The following TRNT1 variants were observed in gnomAD, a reference collection of about 807,000 sequenced individuals.
The protein encoded by TRNT1 is CCA tRNA nucleotidyltransferase 1, mitochondrial.
Under a neutral mutation model 45.6 loss-of-function variants are expected in TRNT1, and 44 were observed. The observed-to-expected ratio is 0.97, with a 90% CI of 0.76 to 1.24. TRNT1 has a LOEUF of 1.24. Among genes scored for constraint, TRNT1 ranks in the 50% most tolerant of loss-of-function variants. TRNT1 has a pLI of 0.00. For missense variants in TRNT1, 633 were observed against 504.4 expected, an observed-to-expected ratio of 1.25 and a Z score of -2.44; for synonymous variants, 201 against 171.4, an observed-to-expected ratio of 1.17 and a Z score of -1.35.
In TRNT1 at chr3:3,144,600, A is replaced by AT. The variant is rs1445182754; in HGVS notation, c.501dup (p.Asp168Ter). 2 of 1,583,212 alleles carry AT rather than the reference A, an allele frequency of 1.3e-6. No individual in the cohort carries two copies. The highest frequency in any genetic ancestry group is 1.7e-6 in the Non-Finnish European group (2 of 1,162,122). On this transcript the variant is annotated frameshift_variant, in exon 5 of 8. Coordinates refer to ENST00000251607, the MANE Select transcript of TRNT1 (RefSeq NM_182916.3). LOFTEE classifies it high-confidence loss of function. ...AATGAATAGGTTTTGATGGCACTTT[A>AT]TTTGACTACTTTAATGGTTATGAAG...
At chr3:3,127,087 C>T (rs964783272) in intron 1 of TRNT1, 97 bp downstream of exon 1, 1 of 152,348 alleles carries the variant, frequency 6.6e-6, no homozygotes, top group South Asian at 2.1e-4. Context: ...CGCGCCCGGT[C>T]CTCGAGGAAG....
rs1288090270 is a variant in TRNT1 at position 3,148,766 on chromosome 3, G to GAAA, written c.*612_*613insAAA. 1 of 152,080 alleles carries GAAA rather than the reference G, an allele frequency of 6.6e-6. No individual in the cohort carries two copies. The highest frequency in any genetic ancestry group is 2.4e-5 in the African/African-American group (1 of 41,420). 9.4% of individuals were successfully genotyped at this position (152,080 alleles called of 1,614,324 possible). ...ATTTCTTTATGCATGCAGAGCCTGG[G>GAAA]GAAGTCATGGGATTAACTTGAGGGT... On this transcript the variant is annotated 3_prime_UTR_variant, in exon 8 of 8. Coordinates refer to ENST00000251607, the MANE Select transcript of TRNT1 (RefSeq NM_182916.3).
downstream of TRNT1, chr3:3,151,104 T>C (rs372715424): frequency 6.4e-7 from 1 of 1,566,086 alleles, no homozygotes; most frequent in East Asian, 2.3e-5. Context: ...AAGCCTATCA[T>C]ATAAACCTAT....
chr3:3,142,827 A>T (rs778281147), intron 4 of TRNT1, among the ~76,000 whole-genome samples: 3 of 152,168 alleles, frequency 2.0e-5, no homozygotes, highest in Non-Finnish European at 2.9e-5. Context: ...CTACTTTGTG[A>T]TCATATTTTT....
chr3:3,150,710 A>G, downstream of TRNT1: 2 of 718,484 alleles, frequency 2.8e-6, no homozygotes, highest in Non-Finnish European at 2.3e-6. Context: ...TTTCAAATAC[A>G]GTTTCACTTA....
At chr3:3,147,172 A>T (rs1376967577) in intron 6 of TRNT1, among the ~76,000 whole-genome samples, 1 of 152,170 alleles carries the variant, frequency 6.6e-6, no homozygotes, top group Non-Finnish European at 1.5e-5. Flanking sequence ...GATTAGAAAG[A>T]GTATGCCTTG....
intron 5 of TRNT1, 86 bp downstream of exon 5, chr3:3,144,796 G>A (rs562229293): frequency 2.3e-6 from 3 of 1,316,794 alleles, no homozygotes; most frequent in African/African-American, 3.0e-5. Context: ...CAGCAGGTCA[G>A]TGTACAAAAT....
intron 5 of TRNT1, chr3:3,145,317 CAT>C (rs1451915357): frequency 6.6e-6 from 1 of 151,946 alleles, no homozygotes; most frequent in Non-Finnish European, 1.5e-5. Context: ...TGCTGGCTAA[CAT>C]GGTGAAACCC....
At chr3:3,129,957 A>G in intron 2 of TRNT1, 1 of 1,550,564 alleles carries the variant, frequency 6.4e-7, no homozygotes. Context: ...GAAGAAGGAA[A>G]TAGGAGTTGC....
At position 3,148,705 on chromosome 3, in the gene TRNT1, G is replaced by C. The variant is rs1209987542; in HGVS notation, c.*551G>C. 1 of 152,190 alleles carries C rather than the reference G, an allele frequency of 6.6e-6. No individual in the cohort carries two copies. Among genetic ancestry groups the C allele is most frequent in the Non-Finnish European group, 1.5e-5 (1 of 68,050 alleles). The allele number at this position is 152,190 out of a possible 1,614,324, so 9.4% of individuals were successfully genotyped here. ...TACAGGATTTGTTCTAGCAAGCTAT[G>C]CTTCAGTATGTGGTTGATATTTTTC... is the stretch of plus-strand genomic sequence containing the variant. On this transcript the variant is annotated 3_prime_UTR_variant, in exon 8 of 8. Coordinates refer to ENST00000251607, the MANE Select transcript of TRNT1 (RefSeq NM_182916.3).
At chr3:3,133,898 T>A (rs1214268841) in intron 2 of TRNT1, among the ~76,000 whole-genome samples, 1 of 152,082 alleles carries the variant, frequency 6.6e-6, no homozygotes, top group East Asian at 1.9e-4. Context: ...CGTCAAAATT[T>A]AAAGCTGTAA....
Position 3,144,345 on chromosome 3 carries a change from G to C in TRNT1, c.482-239G>C, listed in dbSNP as rs1177232104. Among the ~76,000 whole-genome samples the C allele has an allele frequency of 2.6e-5, 4 of 152,094 alleles. No homozygotes were observed. The South Asian group carries it at 6.2e-4, about 24-fold the overall frequency. On this transcript the variant is annotated intron_variant, in intron 4 of 7. Coordinates refer to ENST00000251607, the MANE Select transcript of TRNT1 (RefSeq NM_182916.3). ...CTCATACAAGTTTTGCATATTTCTTGTTTAGTTTATTCTTGGATTATCTTT... is the reference window on the plus strand; with the variant it reads ...CTCATACAAGTTTTGCATATTTCTTCTTTAGTTTATTCTTGGATTATCTTT...
At chr3:3,127,515 A>AC (rs1704664620) in intron 1 of TRNT1, 1 of 152,322 alleles carries the variant, frequency 6.6e-6, no homozygotes, top group Non-Finnish European at 1.5e-5. Context: ...TATGGGGAGA[A>AC]CGAGGATGTG....
intron 3 of TRNT1, among the ~76,000 whole-genome samples, chr3:3,140,120 A>G (rs188016149): frequency 6.6e-6 from 1 of 152,326 alleles, no homozygotes; most frequent in African/African-American, 2.4e-5. Context: ...TCAATGGCAA[A>G]TGTTCCATAA....
In TRNT1 at chr3:3,138,771, C is replaced by G. The variant is rs1246892464; in HGVS notation, c.342+1318C>G. ...ATATTTCTTTGGAAAGCTTCCCGTTCATGTTTCAGATGGAAGATCTTTTAT... is the reference window on the plus strand; with the variant it reads ...ATATTTCTTTGGAAAGCTTCCCGTTGATGTTTCAGATGGAAGATCTTTTAT... On this transcript the variant is annotated intron_variant, in intron 3 of 7. Coordinates refer to ENST00000251607, the MANE Select transcript of TRNT1 (RefSeq NM_182916.3). Among the ~76,000 whole-genome samples, 5 of 152,318 alleles carry G rather than the reference C, an allele frequency of 3.3e-5. No homozygotes were observed. The South Asian group carries it at 1.0e-3, about 32-fold the overall frequency.
At chr3:3,138,516 C>T (rs1251130084) in intron 3 of TRNT1, among the ~76,000 whole-genome samples, 1 of 151,984 alleles carries the variant, frequency 6.6e-6, no homozygotes, top group Non-Finnish European at 1.5e-5. Context: ...TTAGTGGGCC[C>T]TCATGTTTCT....
chr3:3,146,607 T>C lies in TRNT1; in HGVS notation c.786T>C (p.Asp262=). ...NHLIHLIYDL[D]VAPYIGLPAN... ...TGATTCACCTTATCTATGATCTTGATGTGGCTCCTTATATAGGTGAGAGCA... is the reference window on the plus strand; with the variant it reads ...TGATTCACCTTATCTATGATCTTGACGTGGCTCCTTATATAGGTGAGAGCA... Residue 262 remains aspartate, a synonymous_variant, in exon 6 of 8, where the codon GAT becomes GAC. Coordinates refer to ENST00000251607, the MANE Select transcript of TRNT1 (RefSeq NM_182916.3). 1 of 1,612,154 alleles carries C rather than the reference T, an allele frequency of 6.2e-7. No homozygotes were observed. The highest frequency in any genetic ancestry group is 8.5e-7 in the Non-Finnish European group (1 of 1,179,194).
At chr3:3,149,155 T>A (rs1706289442), downstream of TRNT1, 3 of 152,168 alleles carry the variant, frequency 2.0e-5, no homozygotes, top group Non-Finnish European at 4.4e-5. Flanking sequence ...ATAAAACAAT[T>A]TTGTAGAGTG....
Position 3,148,166 on chromosome 3 carries a change from A to G in TRNT1, c.*12A>G, listed in dbSNP as rs776921520. 1 of 1,609,650 alleles carries G rather than the reference A, an allele frequency of 6.2e-7. No homozygotes were observed. The highest frequency in any genetic ancestry group is 1.1e-5 in the South Asian group (1 of 90,222). The stretch of plus-strand genomic sequence containing the variant: ...TAAAGAAGACCTAAAACTGATGGCT[A>G]CTAAAAAGCAGAGCATTTCTGGTAA... On this transcript the variant is annotated 3_prime_UTR_variant, in exon 8 of 8. Coordinates refer to ENST00000251607, the MANE Select transcript of TRNT1 (RefSeq NM_182916.3).
Sources: gnomAD v4.1 joint callset for allele counts (sites outside exome capture counted in the v4.1 genomes callset) on GRCh38, gnomAD v4.1.1 for gene constraint, MANE v1.5 for transcripts, NCBI Gene and HGNC (gene_info 2026-07-23, HGNC 2026-07-21) for gene names.